The following FERMT2 variants were observed in gnomAD, a reference collection of about 807,000 sequenced individuals.
FERMT2 encodes fermitin family homolog 2.
Under a neutral mutation model 82.7 loss-of-function variants are expected in FERMT2, and 15 were observed. The ratio of observed to expected loss-of-function variants is 0.18; its 90% confidence interval spans 0.12 to 0.28. The LOEUF is 0.28. Among genes scored for constraint, FERMT2 ranks in the 10% least tolerant of loss-of-function variants. The pLI, the probability that FERMT2 is intolerant of heterozygous loss-of-function variation, is 1.00. For missense variants in FERMT2, 645 were observed against 809.4 expected (o/e 0.80, Z 2.46); for synonymous variants, 274 against 271.5 (o/e 1.01, Z -0.09).
At position 52,874,168 on chromosome 14, in the gene FERMT2, TG is replaced by T. The variant is rs1413037699; in HGVS notation, c.1148+8del. The T allele has an allele frequency of 1.9e-6, 3 of 1,568,036 alleles. No homozygotes were observed. The highest frequency in any genetic ancestry group is 2.6e-6 in the Non-Finnish European group (3 of 1,148,230). ...ATTAATATTTGGCATCCCTCCTTTT[TG>T]TACTTACTTGAAAACTTTAATGTAG... is the stretch of plus-strand genomic sequence containing the variant. On this transcript the variant is annotated splice_region_variant and intron_variant, in intron 9 of 14. Coordinates refer to ENST00000341590, the MANE Select transcript of FERMT2 (RefSeq NM_006832.3).
intron 2 of FERMT2, among the ~76,000 whole-genome samples, chr14:52,928,697 A>G (rs1373453356): frequency 6.6e-6 from 1 of 152,118 alleles, no homozygotes; most frequent in Non-Finnish European, 1.5e-5. Context: ...AACTTCTCAC[A>G]CTTCTGAGAA....
chr14:52,859,636 A>T lies in FERMT2; in HGVS notation c.1806T>A (p.Asp602Glu), dbSNP rs773542950. The change falls in exon 14 of 15, where the codon GAT becomes GAA. Residue 602 changes from aspartate to glutamate, a missense_variant. Transcript: ENST00000341590. ...RLIRMDASTG[D>E]AIKTWRFSNM... Reference sequence around the variant, plus strand: ...TGCTGAAACGCCATGTTTTAATTGCATCTCCAGTGCTGGCATCCATCCGAA... The same window carrying T: ...TGCTGAAACGCCATGTTTTAATTGCTTCTCCAGTGCTGGCATCCATCCGAA... 2 of 1,612,370 alleles carry T rather than the reference A, an allele frequency of 1.2e-6. No homozygotes were observed. The highest frequency in any genetic ancestry group is 1.1e-5 in the South Asian group (1 of 90,620).
chr14:52,908,358 C>T (rs1371697752), intron 3 of FERMT2, among the ~76,000 whole-genome samples: 2 of 152,140 alleles, frequency 1.3e-5, no homozygotes, highest in African/African-American at 4.8e-5. Context: ...ACCTATGTTC[C>T]CACAAAGACC....
At chr14:52,860,859 G>T in intron 12 of FERMT2, 1 of 663,178 alleles carries the variant, frequency 1.5e-6, no homozygotes, top group African/African-American at 1.9e-5. Flanking sequence ...TTTCTAGCAG[G>T]AATATTTGTT....
intron 3 of FERMT2, among the ~76,000 whole-genome samples, chr14:52,911,287 ATTATT>A (rs1161027056): frequency 1.3e-5 from 2 of 152,178 alleles, no homozygotes; most frequent in South Asian, 2.1e-4. Flanking sequence ...AGCATAAAAT[ATTATT>A]TTAACTTTTC....
intron 6 of FERMT2, among the ~76,000 whole-genome samples, chr14:52,879,212 C>A (rs1194025084): frequency 6.6e-6 from 1 of 152,082 alleles, no homozygotes; most frequent in Admixed American, 6.6e-5. Flanking sequence ...AAATACAGGG[C>A]AAATATACTT....
In FERMT2 at chr14:52,864,578, G is replaced by A. The variant is rs1885156802; in HGVS notation, c.1425C>T (p.Ser475=). The A allele has an allele frequency of 6.2e-7, 1 of 1,614,050 alleles. No individual in the cohort carries two copies. Among genetic ancestry groups the A allele is most frequent in the African/African-American group, 1.3e-5 (1 of 74,920 alleles). ...AACTGTCCGCCATGGTCTTGCCTTTGGAGGCTAATCTGCAGGCTGCCATCC... is the reference window on the plus strand; with the variant it reads ...AACTGTCCGCCATGGTCTTGCCTTTAGAGGCTAATCTGCAGGCTGCCATCC... ...AHWMAACRLA[S]KGKTMADSSY... Residue 475 remains serine, a synonymous_variant, in exon 12 of 15, where the codon TCC becomes TCT. Coordinates refer to ENST00000341590, the MANE Select transcript of FERMT2 (RefSeq NM_006832.3).
chr14:52,942,613 T>G (rs1811969799), intron 2 of FERMT2, among the ~76,000 whole-genome samples: 1 of 152,128 alleles, frequency 6.6e-6, no homozygotes, highest in Non-Finnish European at 1.5e-5. Flanking sequence ...AAGAAAATTT[T>G]TTTCAATTTC....
At chr14:52,922,059 T>C (rs2139647677) in intron 2 of FERMT2, among the ~76,000 whole-genome samples, 1 of 152,128 alleles carries the variant, frequency 6.6e-6, no homozygotes, top group South Asian at 2.1e-4. Flanking sequence ...ACCTAAGAAC[T>C]TGGGTGCAAG....
chr14:52,925,981 T>C (rs536045578), intron 2 of FERMT2, among the ~76,000 whole-genome samples: 5 of 152,168 alleles, frequency 3.3e-5, no homozygotes, highest in South Asian at 4.1e-4. Context: ...AGTTATCTAG[T>C]GTATTACAGC....
intron 3 of FERMT2, among the ~76,000 whole-genome samples, chr14:52,897,995 C>CA (rs1887396999): frequency 1.1e-5 from 1 of 90,866 alleles, no homozygotes; most frequent in Non-Finnish European, 2.4e-5. Context: ...AAAAAAAAAA[C>CA]AACCAAAAAA....
intron 2 of FERMT2, among the ~76,000 whole-genome samples, chr14:52,923,280 T>G (rs1289768309): frequency 3.3e-5 from 5 of 152,032 alleles, no homozygotes; most frequent in Non-Finnish European, 7.4e-5. Flanking sequence ...TAAACAGTTT[T>G]ATGAAACACA....
intron 7 of FERMT2, among the ~76,000 whole-genome samples, chr14:52,878,129 C>G (rs1886080629): frequency 6.6e-6 from 1 of 152,190 alleles, no homozygotes; most frequent in Admixed American, 6.5e-5. Context: ...ACTAGTCTCT[C>G]TAAATCTTAT....
At chr14:52,950,031 T>C (rs1382719735) in intron 2 of FERMT2, among the ~76,000 whole-genome samples, 2 of 152,220 alleles carry the variant, frequency 1.3e-5, no homozygotes, top group African/African-American at 4.8e-5. Context: ...CATTCAGGTA[T>C]GCTGAAGACA....
At chr14:52,877,286 C>A (rs1454594417) in intron 7 of FERMT2, among the ~76,000 whole-genome samples, 1 of 152,114 alleles carries the variant, frequency 6.6e-6, no homozygotes, top group East Asian at 1.9e-4. Context: ...ATTGGCAAAA[C>A]CTCCACTAGA....
At chr14:52,908,165 A>G (rs564699853) in intron 3 of FERMT2, among the ~76,000 whole-genome samples, 17 of 152,242 alleles carry the variant, frequency 1.1e-4, no homozygotes, top group Non-Finnish European at 1.9e-4. Flanking sequence ...CACCTGCTAG[A>G]ATACCCCAAA....
At chr14:52,912,901 TAATG>T (rs1888405455) in intron 3 of FERMT2, among the ~76,000 whole-genome samples, 1 of 152,218 alleles carries the variant, frequency 6.6e-6, no homozygotes, top group Non-Finnish European at 1.5e-5. Flanking sequence ...TTCATTCAAT[TAATG>T]TTCTCTAAGG....
intron 3 of FERMT2, among the ~76,000 whole-genome samples, chr14:52,904,596 G>A (rs1887878047): frequency 6.6e-6 from 1 of 151,916 alleles, no homozygotes; most frequent in African/African-American, 2.4e-5. Context: ...GGGAGGCTGA[G>A]GCATGAGAAT....
chr14:52,889,151 T>C (rs1007804371), intron 4 of FERMT2, among the ~76,000 whole-genome samples: 1 of 152,186 alleles, frequency 6.6e-6, no homozygotes, highest in Non-Finnish European at 1.5e-5. Flanking sequence ...TTTTCAGAAT[T>C]GCTCAATTAA....
Sources: allele counts gnomAD v4.1 joint callset (sites outside exome capture counted in the v4.1 genomes callset), GRCh38; gene constraint gnomAD v4.1.1; transcripts MANE v1.5; gene names NCBI Gene and HGNC (gene_info 2026-07-23, HGNC 2026-07-21).